Variants in NFASC observed in about 807,000 individuals in gnomAD.
NFASC encodes neurofascin homolog.
In NFASC, 43 loss-of-function variants were observed where a neutral mutation model predicts 147.5. The ratio of observed to expected loss-of-function variants is 0.29; its 90% CI spans 0.23 to 0.38. The LOEUF (loss-of-function observed/expected upper bound fraction) is 0.38, where lower values mean the gene tolerates loss of function less well. Among genes scored for constraint, NFASC ranks in the 10% least tolerant of loss-of-function variants. The probability of loss-of-function intolerance (pLI) is 1.00; values close to 1 mark genes in which losing one functional copy is unlikely to be tolerated. For synonymous variants in NFASC, 622 were observed against 665.5 expected, an observed-to-expected ratio of 0.93 and a Z score of 1.01; for missense variants, 1,320 against 1,689.0, an observed-to-expected ratio of 0.78 and a Z score of 3.83.
intron 1 of NFASC, among the ~76,000 whole-genome samples, chr1:204,906,175 T>C (rs545715907): frequency 6.6e-6 from 1 of 152,322 alleles, no homozygotes; most frequent in Non-Finnish European, 1.5e-5. Flanking sequence ...ACTTCTCATA[T>C]ATCTTAAGGC....
intron 1 of NFASC, among the ~76,000 whole-genome samples, chr1:204,910,422 G>A (rs1203726088): frequency 6.6e-6 from 1 of 151,970 alleles, no homozygotes; most frequent in Non-Finnish European, 1.5e-5. Context: ...TGCAACTTTG[G>A]TGTATTCATT....
chr1:204,975,379 C>T lies in NFASC; in HGVS notation c.1667C>T (p.Ser556Phe). ...GACCCCTCCCTGAAACTCACCGTCT[C>T]CTGGCTGAAGGATGACGAGCCGCTC... ...KHDPSLKLTV[S>F]WLKDDEPLYI... The change falls in exon 15 of 30, where the codon TCC (serine) becomes TTC (phenylalanine). Residue 556 changes from serine to phenylalanine, a missense_variant. Ser to Phe is a radical substitution (Grantham distance 155). Transcript: ENST00000339876. The surrounding 1 kb of genome is among the most constrained non-coding windows in gnomAD (Gnocchi z 4.0). 1 of 1,614,122 alleles carries T rather than the reference C, an allele frequency of 6.2e-7. No homozygotes were observed. Among genetic ancestry groups the T allele is most frequent in the Non-Finnish European group, 8.5e-7 (1 of 1,179,972 alleles).
Position 204,981,808 on chromosome 1 carries a change from C to T in NFASC, c.2258C>T (p.Ala753Val), listed in dbSNP as rs750238387. 2 of 1,558,380 alleles carry T rather than the reference C, an allele frequency of 1.3e-6. No homozygotes were observed. Among genetic ancestry groups the T allele is most frequent in the Admixed American group, 1.8e-5 (1 of 54,078 alleles). ...TGTCCCTCTGCCCAGCCCATGAATG[C>T]CACCTCGGCCTTTGGCCCCAACCTG... ...NMEITWTPMN[A>V]TSAFGPNLRY... Residue 753 changes from alanine to valine, a missense_variant, in exon 21 of 30, where the codon GCC becomes GTC. By Grantham distance (64) the Ala-to-Val change is moderately conservative. Around this residue, in one of 3 missense-constraint regions of NFASC, gnomAD observed 981 missense variants for 1,289.5 expected, o/e 0.76. Transcript: ENST00000339876.
intron 1 of NFASC, among the ~76,000 whole-genome samples, chr1:204,863,000 C>T (rs756827378): frequency 1.3e-5 from 2 of 152,170 alleles, no homozygotes; most frequent in Non-Finnish European, 2.9e-5. Flanking sequence ...TGGTGCTTTT[C>T]CTCCTCGTTC....
intron 2 of NFASC, among the ~76,000 whole-genome samples, chr1:204,924,055 A>G (rs1292326514): frequency 6.6e-6 from 1 of 152,258 alleles, no homozygotes; most frequent in Non-Finnish European, 1.5e-5. Flanking sequence ...ACTGGAGCTA[A>G]GAGTCTTTGG....
chr1:204,863,904 AAAG>A (rs2076896656), intron 1 of NFASC, among the ~76,000 whole-genome samples: 1 of 151,352 alleles, frequency 6.6e-6, no homozygotes, highest in Non-Finnish European at 1.5e-5. Context: ...GGAAGGATGG[AAAG>A]AAGAAAGGGA....
intron 20 of NFASC, 40 bp from the exon 21 acceptor site, chr1:204,981,757 CT>C: frequency 7.2e-7 from 1 of 1,379,466 alleles, no homozygotes; most frequent in Non-Finnish European, 9.8e-7. Context: ...ATCTGGGCCC[CT>C]CTCTGGCAGC....
intron 2 of NFASC, among the ~76,000 whole-genome samples, chr1:204,932,466 G>A (rs535984294): frequency 4.0e-4 from 61 of 152,144 alleles, no homozygotes; most frequent in African/African-American, 1.2e-3. Context: ...AACAGGACAC[G>A]GTGTCAGCCT....
chr1:204,994,224 A>G (rs938446386), intron 24 of NFASC, among the ~76,000 whole-genome samples: 2 of 152,198 alleles, frequency 1.3e-5, no homozygotes, highest in Admixed American at 6.5e-5. Context: ...TGAGCCAGAC[A>G]GGAAGCAGCT....
chr1:204,843,865 C>G (rs916746850), intron 1 of NFASC, among the ~76,000 whole-genome samples: 1 of 152,094 alleles, frequency 6.6e-6, no homozygotes, highest in Non-Finnish European at 1.5e-5. Context: ...GCATGCACCA[C>G]TATGCCCAGC....
At position 205,016,557 on chromosome 1, in the gene NFASC, C is replaced by A. The variant is rs766750735; in HGVS notation, c.*18C>A. ...TGGCCTAACGGAGCCCACCCAGGCA[C>A]AGCCACCACTTTGCAAGTGGGAGGA... On this transcript the variant is annotated 3_prime_UTR_variant, in exon 30 of 30. Coordinates refer to ENST00000339876, the MANE Select transcript of NFASC (RefSeq NM_001005388.3). The surrounding 1 kb of genome is among the most constrained non-coding windows in gnomAD (Gnocchi z 5.1). 1.3e-6 allele frequency: 2 copies of A among 1,584,762 alleles called. No individual in the cohort carries two copies. The highest frequency in any genetic ancestry group is 8.7e-7 in the Non-Finnish European group (1 of 1,153,372).
intron 1 of NFASC, among the ~76,000 whole-genome samples, chr1:204,902,900 G>A (rs578029367): frequency 1.6e-3 from 250 of 152,330 alleles, no homozygotes; most frequent in African/African-American, 5.7e-3. Flanking sequence ...AGGCCAGACG[G>A]CAGGGAGGTA....
At position 204,975,711 on chromosome 1, in the gene NFASC, A is replaced by G. The variant is rs112048388; in HGVS notation, c.1706+293A>G. Among the ~76,000 whole-genome samples the G allele has an allele frequency of 0.022, 3,249 of 150,036 alleles. 106 individuals carry two copies. Among genetic ancestry groups the G allele is most frequent in the African/African-American group, 0.075 (3,073 of 40,726 alleles). ...ACTTCTCCTCTCCCTGTCTCCCCTCACTTCGCCTCTTTTCCCTTTCATTTT... is the reference window on the plus strand; with the variant it reads ...ACTTCTCCTCTCCCTGTCTCCCCTCGCTTCGCCTCTTTTCCCTTTCATTTT... On this transcript the variant is annotated intron_variant, in intron 15 of 29. Coordinates refer to ENST00000339876, the MANE Select transcript of NFASC (RefSeq NM_001005388.3). This position sits in a 1 kb window ranked among gnomAD's most constrained non-coding sequence, Gnocchi z 4.0.
intron 24 of NFASC, 91 bp downstream of exon 24, chr1:204,991,397 C>G: frequency 7.4e-7 from 1 of 1,358,644 alleles, no homozygotes; most frequent in East Asian, 2.4e-5. Context: ...GGGAGAGGCT[C>G]AGGCTGAAAG....
At chr1:204,978,859 T>A (rs2095460952) in intron 17 of NFASC, 109 bp from the exon 18 acceptor site, 2 of 807,116 alleles carry the variant, frequency 2.5e-6, no homozygotes, top group Admixed American at 5.3e-5. Flanking sequence ...TGGGGTTGGA[T>A]CCAGCTGGTA....
At chr1:205,011,816 A>C (rs536883854) in intron 28 of NFASC, among the ~76,000 whole-genome samples, 1 of 152,150 alleles carries the variant, frequency 6.6e-6, no homozygotes, top group Non-Finnish European at 1.5e-5. Flanking sequence ...GCGGTGGCTC[A>C]CGCCTGTAAT....
At chr1:204,978,927 G>T in intron 17 of NFASC, 41 bp from the exon 18 acceptor site, 1 of 1,474,572 alleles carries the variant, frequency 6.8e-7, no homozygotes, top group South Asian at 1.2e-5. Flanking sequence ...GGGTGGACCT[G>T]CTCTAACTCA....
Position 204,974,261 on chromosome 1 carries a change from C to T in NFASC, c.1362C>T (p.Phe454=). 3 of 1,614,128 alleles carry T rather than the reference C, an allele frequency of 1.9e-6. No homozygotes were observed. The highest frequency in any genetic ancestry group is 2.5e-6 in the Non-Finnish European group (3 of 1,179,982). ...ACCGGACGCGGCTGGACTGCCCTTT[C>T]TTTGGGTCTCCCATCCCCACACTGC... The part of the protein sequence containing the change: ...LYNRTRLDCP[F]FGSPIPTLRW... The change falls in exon 13 of 30, where the codon TTC becomes TTT. Residue 454 remains phenylalanine, a synonymous_variant. Transcript: ENST00000339876.
At chr1:204,926,218 G>A (rs2091465071) in intron 2 of NFASC, among the ~76,000 whole-genome samples, 1 of 150,766 alleles carries the variant, frequency 6.6e-6, no homozygotes, top group African/African-American at 2.4e-5. Flanking sequence ...GAATCTTATA[G>A]ATTTTAGCAA....
Sources: allele counts gnomAD v4.1 joint callset (sites outside exome capture counted in the v4.1 genomes callset), GRCh38; gene constraint gnomAD v4.1.1; regional missense constraint gnomAD v4.1.1; non-coding constraint Gnocchi (gnomAD v3.1); transcripts MANE v1.5; gene names NCBI Gene and HGNC (gene_info 2026-07-23, HGNC 2026-07-21).